The following DCAF6 variants were observed in gnomAD, a reference collection of about 807,000 sequenced individuals.
DCAF6 encodes DDB1 and CUL4 associated factor 6.
DCAF6 carries 54 observed loss-of-function variants against 125.1 expected under a neutral mutation model. The ratio of observed to expected loss-of-function variants is 0.43; its 90% CI spans 0.35 to 0.54. DCAF6 has a LOEUF of 0.54. DCAF6 is among the 20% of genes least tolerant of loss of function. The pLI is 0.01. For synonymous variants in DCAF6, 371 were observed against 390.4 expected (o/e 0.95, Z 0.58); for missense variants, 934 against 1,161.7 (o/e 0.80, Z 2.85).
the DCAF6 span, among the ~76,000 whole-genome samples, chr1:167,900,299 C>G: frequency 1.3e-5 from 2 of 152,032 alleles, no homozygotes; most frequent in African/African-American, 4.8e-5. Flanking sequence ...GGGCTGACTC[C>G]CCCCTGATTC....
chr1:168,049,093 CAGAA>C lies in DCAF6; in HGVS notation c.2259-1793_2259-1790del, dbSNP rs1459266781. ...AAATGGGAAATAAATTGAAAAAAGA[CAGAA>C]AGAAATGTTTGTTCTCTAATCATGG... is the stretch of plus-strand genomic sequence containing the variant. On this transcript the variant is annotated intron_variant, in intron 16 of 21. Coordinates refer to ENST00000367840, the MANE Select transcript of DCAF6 (RefSeq NM_001198956.2). Among the ~76,000 whole-genome samples, 21 of 152,116 alleles carry C rather than the reference CAGAA, an allele frequency of 1.4e-4. 2 individuals carry two copies. The highest frequency in any genetic ancestry group is 9.8e-4 in the Admixed American group (15 of 15,284).
intron 1 of DCAF6, among the ~76,000 whole-genome samples, chr1:167,941,429 G>A (rs1672213874): frequency 6.6e-6 from 1 of 152,170 alleles, no homozygotes; most frequent in Non-Finnish European, 1.5e-5. Context: ...TTACAAGTAT[G>A]CTTTAGGTCA....
the DCAF6 span, chr1:167,880,273 T>A: frequency 7.9e-7 from 1 of 1,269,826 alleles, no homozygotes; most frequent in Non-Finnish European, 1.1e-6. Flanking sequence ...GGAAATAATG[T>A]CTGGGTTGGG....
intron 6 of DCAF6, 111 bp from the exon 7 acceptor site, chr1:167,993,115 T>A: frequency 1.1e-6 from 1 of 949,518 alleles, no homozygotes; most frequent in Non-Finnish European, 1.5e-6. Context: ...GTGATGGCTT[T>A]TATTTGTATT....
the DCAF6 span, chr1:167,880,301 T>A: frequency 9.0e-7 from 1 of 1,114,818 alleles, no homozygotes; most frequent in African/African-American, 1.5e-5. Context: ...GGGAAAGGAT[T>A]TTCTCTACCC....
Position 168,075,441 on chromosome 1 carries a change from T to C in DCAF6, c.*6T>C. The C allele has an allele frequency of 6.3e-7, 1 of 1,590,438 alleles. No homozygotes were observed. Among genetic ancestry groups the C allele is most frequent in the Non-Finnish European group, 8.5e-7 (1 of 1,173,128 alleles). The stretch of plus-strand genomic sequence containing the variant: ...AAAATGAGGATGAGGAATAATAAAC[T>C]CTTTTTGGCAAGCACTTAAATGTTC... On this transcript the variant is annotated 3_prime_UTR_variant, in exon 22 of 22. Transcript: ENST00000367840.
At chr1:168,050,997 A>G in intron 17 of DCAF6, 64 bp downstream of exon 17, 9 of 761,520 alleles carry the variant, frequency 1.2e-5, no homozygotes, top group Non-Finnish European at 1.8e-5. Flanking sequence ...TTCTTTTGCC[A>G]CAGCTAACCA....
chr1:167,998,116 T>C (rs1270500302), intron 7 of DCAF6, among the ~76,000 whole-genome samples: 1 of 152,192 alleles, frequency 6.6e-6, no homozygotes, highest in Non-Finnish European at 1.5e-5. Flanking sequence ...GCAGGTTTGG[T>C]TCTAGACCAT....
the DCAF6 span, among the ~76,000 whole-genome samples, chr1:167,925,365 T>C: frequency 6.7e-6 from 1 of 149,292 alleles, no homozygotes; most frequent in South Asian, 2.1e-4. Context: ...CCAGTAGAGT[T>C]GGAAGCAGTT....
chr1:168,033,072 C>A (rs1258667777), intron 12 of DCAF6, among the ~76,000 whole-genome samples: 1 of 151,788 alleles, frequency 6.6e-6, no homozygotes, highest in Non-Finnish European at 1.5e-5. Flanking sequence ...CTTTTAGAAC[C>A]TCATGATTAT....
At chr1:167,887,999 T>G in the DCAF6 span, among the ~76,000 whole-genome samples, 1 of 152,202 alleles carries the variant, frequency 6.6e-6, no homozygotes, top group African/African-American at 2.4e-5. Flanking sequence ...CATCTGCATA[T>G]GGATATCCAG....
intron 14 of DCAF6, among the ~76,000 whole-genome samples, 200 bp from the exon 15 acceptor site, chr1:168,044,385 T>C (rs1688900705): frequency 6.6e-6 from 1 of 152,172 alleles, no homozygotes; most frequent in Non-Finnish European, 1.5e-5. Flanking sequence ...ACCGCTTACA[T>C]AGCATTTACA....
intron 1 of DCAF6, among the ~76,000 whole-genome samples, chr1:167,944,218 T>C (rs1264367181): frequency 6.6e-6 from 1 of 152,240 alleles, no homozygotes; most frequent in African/African-American, 2.4e-5. Flanking sequence ...GTTCATCCAT[T>C]GATGGACACT....
intron 16 of DCAF6, among the ~76,000 whole-genome samples, chr1:168,048,954 T>C (rs985879128): frequency 2.0e-5 from 3 of 152,250 alleles, no homozygotes; most frequent in African/African-American, 7.2e-5. Context: ...AACTATAGTC[T>C]GTGGTAAAAT....
chr1:168,004,487 T>G (rs368292905), intron 9 of DCAF6, 46 bp from the exon 10 acceptor site: 1 of 1,593,142 alleles, frequency 6.3e-7, no homozygotes, highest in Non-Finnish European at 8.6e-7. Context: ...TTGTTGGTTT[T>G]AGAAAATATT....
chr1:167,895,941 C>G, the DCAF6 span, among the ~76,000 whole-genome samples: 38,137 of 151,936 alleles, frequency 0.25, 4,926 homozygotes, highest in South Asian at 0.36. Context: ...TGATTTGAGA[C>G]GTAAAGGCAA....
At chr1:168,006,632 A>G (rs1411828445) in intron 10 of DCAF6, among the ~76,000 whole-genome samples, 1 of 152,130 alleles carries the variant, frequency 6.6e-6, no homozygotes, top group East Asian at 1.9e-4. Context: ...CCTAAGTCCA[A>G]ATGTGTTTGT....
Position 168,038,367 on chromosome 1 carries a change from T to G in DCAF6, c.1610-4T>G, listed in dbSNP as rs1268684842. On this transcript the variant is annotated splice_region_variant and splice_polypyrimidine_tract_variant and intron_variant, in intron 12 of 21. Transcript: ENST00000367840. ...TTTTCAAATGTTTTAAACACAATTT[T>G]CAGATAACAATAATGAAAAGCTGAG... The G allele has an allele frequency of 6.3e-7, 1 of 1,599,814 alleles. No individual in the cohort carries two copies. The highest frequency in any genetic ancestry group is 8.5e-7 in the Non-Finnish European group (1 of 1,173,386).
At chr1:168,017,141 TG>T (rs1404980421) in intron 11 of DCAF6, among the ~76,000 whole-genome samples, 1 of 151,708 alleles carries the variant, frequency 6.6e-6, no homozygotes, top group Non-Finnish European at 1.5e-5. Context: ...TTTTTTCCTA[TG>T]GGGAAATATT....
Sources: allele counts gnomAD v4.1 joint callset (sites outside exome capture counted in the v4.1 genomes callset), GRCh38; gene constraint gnomAD v4.1.1; transcripts MANE v1.5; gene names NCBI Gene and HGNC (gene_info 2026-07-23, HGNC 2026-07-21).